The following PHLDB3 variants were observed in gnomAD, a reference collection of about 807,000 sequenced individuals.
PHLDB3 encodes the protein pleckstrin homology-like domain family B member 3.
In PHLDB3, 86 loss-of-function variants were observed where a neutral mutation model predicts 85.7. That is an observed-to-expected ratio of 1.00 (90% CI 0.84 to 1.20). PHLDB3 has a LOEUF of 1.20. Among genes scored for constraint, PHLDB3 ranks in the 50% most tolerant of loss-of-function variants. The pLI is 0.00. For missense variants in PHLDB3, 995 were observed against 873.0 expected (o/e 1.14, Z -1.76); for synonymous variants, 376 against 349.8 (o/e 1.07, Z -0.83).
chr19:43,503,657 C>T (rs1432884662), intron 2 of PHLDB3, among the ~76,000 whole-genome samples: 1 of 152,120 alleles, frequency 6.6e-6, no homozygotes, highest in Non-Finnish European at 1.5e-5. Flanking sequence ...TATCTCCGTT[C>T]TTGGGGCCTC....
chr19:43,503,679 A>G (rs762238495), intron 2 of PHLDB3, among the ~76,000 whole-genome samples: 2 of 151,694 alleles, frequency 1.3e-5, no homozygotes, highest in East Asian at 1.9e-4. Context: ...CCGTGGCTCT[A>G]TCTGGTTTCT....
At chr19:43,497,579 G>A (rs1391174805) in intron 5 of PHLDB3, among the ~76,000 whole-genome samples, 169 bp downstream of exon 5, 1 of 152,152 alleles carries the variant, frequency 6.6e-6, no homozygotes, top group Non-Finnish European at 1.5e-5. Context: ...GGGTGTGGTG[G>A]TGCGCACCTG....
intron 6 of PHLDB3, 150 bp from the exon 7 acceptor site, chr19:43,495,770 GCTCCCT>G (rs1239317206): frequency 7.8e-4 from 875 of 1,127,128 alleles, no homozygotes; most frequent in South Asian, 1.7e-3. Flanking sequence ...CCAGCGTTCA[GCTCCCT>G]GGACCCTCTT....
chr19:43,477,988 A>T, intron 15 of PHLDB3, 59 bp downstream of exon 15: 2 of 1,410,030 alleles, frequency 1.4e-6, no homozygotes, highest in Non-Finnish European at 2.0e-6. Flanking sequence ...GGATGAGATA[A>T]GGCCTGACTC....
chr19:43,502,460 T>G (rs1371953295), intron 2 of PHLDB3, among the ~76,000 whole-genome samples, 177 bp from the exon 3 acceptor site: 2 of 148,650 alleles, frequency 1.3e-5, no homozygotes, highest in Non-Finnish European at 3.0e-5. Context: ...TTCTTATCTT[T>G]TTTTTTTTTT....
intron 4 of PHLDB3, 114 bp from the exon 5 acceptor site, chr19:43,497,990 C>G (rs936180430): frequency 4.1e-5 from 59 of 1,428,010 alleles, no homozygotes; most frequent in Non-Finnish European, 5.0e-5. Flanking sequence ...GGGACTTCAT[C>G]TATGTGATTC....
intron 4 of PHLDB3, among the ~76,000 whole-genome samples, chr19:43,500,064 AC>A (rs1241993265): frequency 1.3e-5 from 2 of 151,256 alleles, no homozygotes; most frequent in Non-Finnish European, 2.9e-5. Context: ...GCATGGAGAA[AC>A]CCCATCTCTA....
chr19:43,503,108 C>T (rs889117873), intron 2 of PHLDB3, among the ~76,000 whole-genome samples: 1 of 152,076 alleles, frequency 6.6e-6, no homozygotes, highest in African/African-American at 2.4e-5. Flanking sequence ...CTGGGTTTCC[C>T]TCTGTCTCGA....
At chr19:43,480,758 C>T (rs1971028566) in intron 13 of PHLDB3, among the ~76,000 whole-genome samples, 1 of 152,150 alleles carries the variant, frequency 6.6e-6, no homozygotes. Flanking sequence ...GAAACCAAGA[C>T]TCAGAGAGGT....
chr19:43,486,100 C>T (rs1373114832), intron 13 of PHLDB3, 166 bp downstream of exon 13: 1 of 985,426 alleles, frequency 1.0e-6, no homozygotes, highest in Non-Finnish European at 1.2e-6. Flanking sequence ...ATCATCCGGT[C>T]ATGGGAACAG....
chr19:43,491,298 G>A (rs1009991161), intron 9 of PHLDB3, among the ~76,000 whole-genome samples: 3 of 151,928 alleles, frequency 2.0e-5, no homozygotes, highest in Admixed American at 6.6e-5. Flanking sequence ...AAATAATAAC[G>A]GAACCTGCTT....
Position 43,475,233 on chromosome 19 carries a change from C to T in PHLDB3, c.*177G>A. The T allele has an allele frequency of 1.1e-6, 1 of 871,278 alleles. No homozygotes were observed. The highest frequency in any genetic ancestry group is 1.7e-6 in the Non-Finnish European group (1 of 591,372). 54.0% of individuals were successfully genotyped at this position (871,278 alleles called of 1,614,324 possible). On this transcript the variant is annotated 3_prime_UTR_variant, in exon 16 of 16. Coordinates refer to ENST00000292140, the MANE Select transcript of PHLDB3 (RefSeq NM_198850.4). Reference sequence around the variant, plus strand: ...CGGCGATCCCGTCGGGGGCAAGGCACCTGCAACCCAGAACGCAGCAGCTCA... The same window carrying T: ...CGGCGATCCCGTCGGGGGCAAGGCATCTGCAACCCAGAACGCAGCAGCTCA...
At chr19:43,478,022 T>C in intron 15 of PHLDB3, 25 bp downstream of exon 15, 1 of 1,583,778 alleles carries the variant, frequency 6.3e-7, no homozygotes, top group Non-Finnish European at 8.7e-7. Flanking sequence ...AACTGGGAGG[T>C]CAGGGTGACA....
intron 13 of PHLDB3, among the ~76,000 whole-genome samples, chr19:43,480,740 C>T (rs1971028199): frequency 6.6e-6 from 1 of 152,194 alleles, no homozygotes. Context: ...CTCCGTTTCA[C>T]AGATGTGGAA....
rs1049890883 is a variant in PHLDB3 at position 43,479,610 on chromosome 19, C to T, written c.1486-17G>A. 8.7e-6 allele frequency: 13 copies of T among 1,494,524 alleles called. No homozygotes were observed. Among genetic ancestry groups the T allele is most frequent in the South Asian group, 2.4e-5 (2 of 82,796 alleles). The allele number at this position is 1,494,524 out of a possible 1,614,324, so 92.6% of individuals were successfully genotyped here. On this transcript the variant is annotated splice_polypyrimidine_tract_variant and intron_variant, in intron 13 of 15. Coordinates refer to ENST00000292140, the MANE Select transcript of PHLDB3 (RefSeq NM_198850.4). ...GGGTGGGGCCTGGGGAGCAAAGAGA[C>T]GGGGCAGCTGATGTAAGGGGCGGGG...
In PHLDB3 at chr19:43,502,457, CTTTT is replaced by C. The variant is rs10685194; in HGVS notation, c.214-178_214-175del. On this transcript the variant is annotated intron_variant, in intron 2 of 15. Transcript: ENST00000292140. ...AGGCTCTTTTCTTTTTCTTTCTTATCTTTTTTTTTTTTTTGTCCTGAGATAGGGT... is the reference window on the plus strand; with the variant it reads ...AGGCTCTTTTCTTTTTCTTTCTTATCTTTTTTTTTTGTCCTGAGATAGGGT... 1.7e-4 allele frequency among the ~76,000 whole-genome samples: 23 copies of C among 136,668 alleles called. 1 individual carries two copies. Among genetic ancestry groups the C allele is most frequent in the Admixed American group, 1.2e-3 (16 of 13,416 alleles). 89.7% of individuals were successfully genotyped at this position (136,668 alleles called of 152,430 possible).
rs1971711168 is a variant in PHLDB3, at chr19:43,504,647, G to A, written c.-73C>T. ...GAACAAGCCAGGAGTCGGAGTCCTT[G>A]AGATTCCGAAGTCCAACTGCCACCT... On this transcript the variant is annotated 5_prime_UTR_variant, in exon 1 of 16. Coordinates refer to ENST00000292140, the MANE Select transcript of PHLDB3 (RefSeq NM_198850.4). The A allele has an allele frequency of 6.5e-6, 1 of 154,130 alleles. No homozygotes were observed. Among genetic ancestry groups the A allele is most frequent in the Non-Finnish European group, 1.4e-5 (1 of 69,434 alleles). 9.5% of individuals were successfully genotyped at this position (154,130 alleles called of 1,614,324 possible). A position where few individuals can be genotyped will look rare whatever the true frequency, so the allele number is the denominator to read the frequency against.
In PHLDB3 at chr19:43,504,127, G is replaced by T. The variant is rs1481450261; in HGVS notation, c.-9C>A. ...CTGCTTCGCGTCCCCATGGCCGCTG[G>T]GACTCCTGCGGGGTGGGCGGGACCA... On this transcript the variant is annotated 5_prime_UTR_variant, in exon 2 of 16. Transcript: ENST00000292140. 3 of 1,581,854 alleles carry T rather than the reference G, an allele frequency of 1.9e-6. No homozygotes were observed. The highest frequency in any genetic ancestry group is 1.7e-6 in the Non-Finnish European group (2 of 1,165,464).
chr19:43,501,531 G>C (rs1372840203), intron 4 of PHLDB3: 55 of 970,046 alleles, frequency 5.7e-5, no homozygotes, highest in Non-Finnish European at 1.5e-6. Context: ...AAACGGACAG[G>C]GGACAAAGGA....
Sources: allele counts gnomAD v4.1 joint callset (sites outside exome capture counted in the v4.1 genomes callset), GRCh38; gene constraint gnomAD v4.1.1; transcripts MANE v1.5; gene names NCBI Gene and HGNC (gene_info 2026-07-23, HGNC 2026-07-21).